Variants in WRNIP1 observed in about 807,000 individuals in gnomAD.
WRNIP1 encodes the protein WRN helicase interacting protein 1.
Under a neutral mutation model 56.1 loss-of-function variants are expected in WRNIP1, and 41 were observed. The observed-to-expected ratio is 0.73, with a 90% CI of 0.57 to 0.95. WRNIP1 has a LOEUF of 0.95. Among genes scored for constraint, WRNIP1 ranks in the 40% least tolerant of loss-of-function variants. The probability of loss-of-function intolerance (pLI) is 0.00; values close to 1 mark genes in which losing one functional copy is unlikely to be tolerated. For synonymous variants in WRNIP1, 547 were observed against 398.1 expected (o/e 1.37, Z -4.45); for missense variants, 1,170 against 939.4 (o/e 1.25, Z -3.21).
chr6:2,774,857 G>A (rs1765396409), intron 3 of WRNIP1, among the ~76,000 whole-genome samples: 1 of 152,222 alleles, frequency 6.6e-6, no homozygotes, highest in African/African-American at 2.4e-5. Flanking sequence ...CCTTGGATAT[G>A]TGCAGTTCTG....
rs771708841 is a variant in WRNIP1 at position 2,768,708 on chromosome 6, C to T, written c.840C>T (p.Ile280=). ...PGCGKTTLAH[I]IASNSKKHSI... is the part of the protein sequence containing the mutation. ...TTTTCTAGACCACTCTGGCTCACATCATAGCCAGCAACAGCAAGAAACATA... is the reference window on the plus strand; with the variant it reads ...TTTTCTAGACCACTCTGGCTCACATTATAGCCAGCAACAGCAAGAAACATA... Residue 280 remains isoleucine (I), a synonymous_variant, in exon 2 of 7, where the codon ATC becomes ATT. Coordinates refer to ENST00000380773, the MANE Select transcript of WRNIP1 (RefSeq NM_020135.3). 11 of 1,611,364 alleles carry T rather than the reference C, an allele frequency of 6.8e-6. No individual in the cohort carries two copies. The highest frequency in any genetic ancestry group is 9.3e-6 in the Non-Finnish European group (11 of 1,178,464).
intron 2 of WRNIP1, among the ~76,000 whole-genome samples, chr6:2,769,245 T>A (rs1347450327): frequency 2.0e-5 from 3 of 152,352 alleles, no homozygotes; most frequent in Non-Finnish European, 2.9e-5. Context: ...AAAATTACTT[T>A]AACAGTATTT....
At chr6:2,770,470 G>T (rs889800015) in intron 3 of WRNIP1, 109 bp downstream of exon 3, 1 of 1,441,116 alleles carries the variant, frequency 6.9e-7, no homozygotes, top group Non-Finnish European at 9.2e-7. Context: ...GGACAGAGAA[G>T]AAATGTTGAT....
At position 2,766,288 on chromosome 6, in the gene WRNIP1, A is replaced by G. The variant is rs757002453; in HGVS notation, c.666A>G (p.Leu222=). The change falls in exon 1 of 7, where the codon CTA becomes CTG. Residue 222 remains leucine (L), a synonymous_variant. Transcript: ENST00000380773. ...CTGCCGAGGAGATCCGACAGATGCT[A>G]CAGGGCAAGCCGCTGGCCGACACGA... is the stretch of plus-strand genomic sequence containing the variant. ...ALAAEEIRQM[L]QGKPLADTMR... 1 of 1,598,142 alleles carries G rather than the reference A, an allele frequency of 6.3e-7. No individual in the cohort carries two copies. The highest frequency in any genetic ancestry group is 8.5e-7 in the Non-Finnish European group (1 of 1,173,866).
chr6:2,769,467 TA>T (rs925014958), intron 2 of WRNIP1, among the ~76,000 whole-genome samples: 228 of 151,646 alleles, frequency 1.5e-3, no homozygotes, highest in African/African-American at 5.0e-3. Flanking sequence ...ATACTCTAAA[TA>T]AAAAAAAATT....
chr6:2,783,617 T>C, intron 5 of WRNIP1, 56 bp downstream of exon 5: 3 of 796,738 alleles, frequency 3.8e-6, no homozygotes, highest in Non-Finnish European at 4.8e-6. Flanking sequence ...GGGAAATGGC[T>C]AACAGTTACA....
At position 2,770,375 on chromosome 6, in the gene WRNIP1, G is replaced by T; in HGVS notation, c.1256+14G>T. 1 of 1,613,822 alleles carries T rather than the reference G, an allele frequency of 6.2e-7. No individual in the cohort carries two copies. The highest frequency in any genetic ancestry group is 8.5e-7 in the Non-Finnish European group (1 of 1,179,860). ...CAGCAGCTCAGAGTAAGTTGACAGT[G>T]TGCAGCGTCCTGGGGGCACACACCT... is the stretch of plus-strand genomic sequence containing the variant. On this transcript the variant is annotated intron_variant, in intron 3 of 6. Transcript: ENST00000380773.
At chr6:2,778,104 G>A (rs556451384) in intron 3 of WRNIP1, among the ~76,000 whole-genome samples, 95 of 152,312 alleles carry the variant, frequency 6.2e-4, no homozygotes, top group Non-Finnish European at 1.1e-3. Flanking sequence ...GCAGAGTAGT[G>A]TCAGTGAGTG....
chr6:2,774,382 C>T (rs980927286), intron 3 of WRNIP1: 91 of 676,504 alleles, frequency 1.3e-4, no homozygotes, highest in Non-Finnish European at 1.6e-4. Flanking sequence ...ATCAACAAGG[C>T]GATGCTCTCA....
In WRNIP1 at chr6:2,765,904, C is replaced by T. The variant is rs1213845997; in HGVS notation, c.282C>T (p.Gly94=). 7.6e-6 allele frequency: 11 copies of T among 1,456,162 alleles called. No individual in the cohort carries two copies. In the African/African-American group the frequency reaches 8.8e-5, roughly 12 times the overall value. 90.2% of individuals were successfully genotyped at this position (1,456,162 alleles called of 1,614,324 possible). A position where few individuals can be genotyped will look rare whatever the true frequency, so the allele number is the denominator to read the frequency against. ...CGACGGCAGCCGAGAGCAGCGAGGG[C>T]GAGGGTGAGGAGGGCGACGACGGCG... ...ATPTAAESSE[G]EGEEGDDGGE... Residue 94 remains glycine, a synonymous_variant, in exon 1 of 7, where the codon GGC becomes GGT. Transcript: ENST00000380773.
chr6:2,781,158 A>G (rs1765550055), intron 4 of WRNIP1, among the ~76,000 whole-genome samples: 1 of 152,200 alleles, frequency 6.6e-6, no homozygotes, highest in Admixed American at 6.5e-5. Flanking sequence ...CCATGCACAT[A>G]CAGAGCGGAT....
rs8333 is a variant in WRNIP1 at position 2,766,231 on chromosome 6, T to A, written c.609T>A (p.Ser203Arg). The A allele has an allele frequency of 6.8e-7, 1 of 1,478,980 alleles. No homozygotes were observed. The highest frequency in any genetic ancestry group is 1.3e-5 in the South Asian group (1 of 74,746). The allele number at this position is 1,478,980 out of a possible 1,614,324, so 91.6% of individuals were successfully genotyped here. A position where few individuals can be genotyped will look rare whatever the true frequency, so the allele number is the denominator to read the frequency against. The change falls in exon 1 of 7, where the codon AGT becomes AGA. Residue 203 changes from serine (S) to arginine (R), a missense_variant. Physicochemically the swap from Ser to Arg is moderately radical, Grantham distance 110. Coordinates refer to ENST00000380773, the MANE Select transcript of WRNIP1 (RefSeq NM_020135.3). ...AAEAATAFGASGGGRPHPRAL... is the reference protein window; with the variant it reads ...AAEAATAFGARGGGRPHPRAL... ...AAGCCGCCACCGCCTTCGGGGCCAGTGGCGGGGGCCGCCCGCACCCCCGGG... is the reference window on the plus strand; with the variant it reads ...AAGCCGCCACCGCCTTCGGGGCCAGAGGCGGGGGCCGCCCGCACCCCCGGG...
chr6:2,774,897 G>A (rs970734414), intron 3 of WRNIP1, among the ~76,000 whole-genome samples: 2 of 152,196 alleles, frequency 1.3e-5, no homozygotes, highest in African/African-American at 4.8e-5. Context: ...GTCTGATGAG[G>A]GTGATTCTCC....
chr6:2,776,244 T>C (rs1361219092), intron 3 of WRNIP1, among the ~76,000 whole-genome samples: 1 of 152,204 alleles, frequency 6.6e-6, no homozygotes, highest in South Asian at 2.1e-4. Flanking sequence ...TCAAGATATA[T>C]TGGGTGTTTA....
intron 3 of WRNIP1, among the ~76,000 whole-genome samples, chr6:2,775,377 T>G (rs1380577150): frequency 1.3e-5 from 2 of 152,224 alleles, no homozygotes; most frequent in Non-Finnish European, 2.9e-5. Context: ...AAGGTACATG[T>G]GGCTGTATTT....
intron 3 of WRNIP1, among the ~76,000 whole-genome samples, chr6:2,777,129 A>C (rs1449306559): frequency 6.6e-6 from 1 of 152,090 alleles, no homozygotes; most frequent in Non-Finnish European, 1.5e-5. Context: ...GTACATTTTT[A>C]TCTCTCAGTG....
Position 2,765,856 on chromosome 6 carries a change from G to A in WRNIP1, c.234G>A (p.Ser78=), listed in dbSNP as rs1167649887. ...AGAGGCGGCGGCTGTCGGAGAGCTC[G>A]GCGCTGAAGCAGCCAGCCACCCCGA... ...GAKRRRLSES[S]ALKQPATPTA... The change falls in exon 1 of 7, where the codon TCG becomes TCA. Residue 78 remains serine, a synonymous_variant. Coordinates refer to ENST00000380773, the MANE Select transcript of WRNIP1 (RefSeq NM_020135.3). 2.8e-6 allele frequency: 4 copies of A among 1,423,410 alleles called. No individual in the cohort carries two copies. The highest frequency in any genetic ancestry group is 6.1e-5 in the East Asian group (2 of 32,592). The allele number at this position is 1,423,410 out of a possible 1,614,324, so 88.2% of individuals were successfully genotyped here.
In WRNIP1 at chr6:2,765,738, G is replaced by T; in HGVS notation, c.116G>T (p.Cys39Phe). ...CACATCAACTCGCACCTGGACCGCT[G>T]TCTGCTGCTCCACCCGGCGGGGCAC... ...AAHINSHLDR[C>F]LLLHPAGHAE... Residue 39 changes from cysteine (C) to phenylalanine (F), a missense_variant, in exon 1 of 7, where the codon TGT becomes TTT. Transcript: ENST00000380773. The T allele has an allele frequency of 6.6e-7, 1 of 1,526,238 alleles. No homozygotes were observed. 94.5% of individuals were successfully genotyped at this position (1,526,238 alleles called of 1,614,324 possible). A position where few individuals can be genotyped will look rare whatever the true frequency, so the allele number is the denominator to read the frequency against.
rs1298490153 is a variant in WRNIP1 at position 2,766,388 on chromosome 6, C to T, written c.766C>T (p.Leu256=). The change falls in exon 1 of 7, where the codon CTG becomes TTG. Residue 256 remains leucine, a synonymous_variant. Coordinates refer to ENST00000380773, the MANE Select transcript of WRNIP1 (RefSeq NM_020135.3). ...VGQDTLLRSL[L]ETNEIPSLIL... is the part of the protein sequence containing the mutation. ...CCAGGATACCCTGCTGCGCTCGCTC[C>T]TGGAGACCAACGAAATCCCCTCGCT... 16 of 1,607,878 alleles carry T rather than the reference C, an allele frequency of 1.0e-5. No homozygotes were observed. Among genetic ancestry groups the T allele is most frequent in the Non-Finnish European group, 1.3e-5 (15 of 1,177,462 alleles).
Sources: gnomAD v4.1 joint callset for allele counts (sites outside exome capture counted in the v4.1 genomes callset) on GRCh38, gnomAD v4.1.1 for gene constraint, MANE v1.5 for transcripts, NCBI Gene and HGNC (gene_info 2026-07-23, HGNC 2026-07-21) for gene names.